MTERF3: variants seen among roughly 807,000 people sequenced by gnomAD.
MTERF3 encodes the protein mitochondrial transcription termination factor 3, also known as transcription termination factor 3, mitochondrial.
Under a neutral mutation model 40.5 loss-of-function variants are expected in MTERF3, and 40 were observed. The observed-to-expected ratio is 0.99, with a 90% confidence interval of 0.77 to 1.29. The LOEUF (loss-of-function observed/expected upper bound fraction) is 1.29. Ranked by LOEUF, MTERF3 falls within the 50% of genes most tolerant of loss-of-function variation. MTERF3 has a pLI of 0.00. For missense variants in MTERF3, 452 were observed against 478.2 expected, an observed-to-expected ratio of 0.95 and a Z score of 0.51; for synonymous variants, 158 against 166.6, an observed-to-expected ratio of 0.95 and a Z score of 0.40.
chr8:96,244,221 G>C (rs1809982103), intron 6 of MTERF3, 141 bp from the exon 7 acceptor site: 1 of 633,976 alleles, frequency 1.6e-6, no homozygotes. Flanking sequence ...ATGATCTCCT[G>C]CCTCAGTCTC....
intron 6 of MTERF3, 23 bp downstream of exon 6, chr8:96,245,837 C>T: frequency 6.2e-7 from 1 of 1,606,812 alleles, no homozygotes; most frequent in Non-Finnish European, 8.5e-7. Flanking sequence ...ACTGATTTCT[C>T]AAAAAGCCTA....
intron 3 of MTERF3, among the ~76,000 whole-genome samples, chr8:96,256,575 C>T (rs763418989): frequency 2.0e-4 from 30 of 151,870 alleles, no homozygotes; most frequent in Non-Finnish European, 3.2e-4. Flanking sequence ...CATAATTTAA[C>T]TACTGACTAA....
intron 2 of MTERF3, among the ~76,000 whole-genome samples, chr8:96,257,898 G>A (rs952344239): frequency 6.6e-6 from 1 of 152,046 alleles, no homozygotes; most frequent in Non-Finnish European, 1.5e-5. Flanking sequence ...GGACCCATAG[G>A]AAGGAGAGGA....
At position 96,246,320 on chromosome 8, in the gene MTERF3, A is replaced by C. The variant is rs1480298416; in HGVS notation, c.812T>G (p.Leu271Arg). 2 of 1,599,378 alleles carry C rather than the reference A, an allele frequency of 1.3e-6. No individual in the cohort carries two copies. The highest frequency in any genetic ancestry group is 2.7e-5 in the African/African-American group (2 of 74,084). Residue 271 changes from leucine (L) to arginine (R), a missense_variant, in exon 5 of 8, where the codon CTT becomes CGT. Physicochemically the swap from Leu to Arg is moderately radical, Grantham distance 102. Coordinates refer to ENST00000287025, the MANE Select transcript of MTERF3 (RefSeq NM_015942.5). ...RLGFFQKELELSVKKTRDLVV... is the reference protein window; with the variant it reads ...RLGFFQKELERSVKKTRDLVV... ...CCTTTTCTTTACCTTCTTCACACTA[A>C]GTTCAAGTTCTTTCTGAAAAAATCC... is the stretch of plus-strand genomic sequence containing the variant.
At chr8:96,253,562 T>C (rs917428938) in intron 3 of MTERF3, among the ~76,000 whole-genome samples, 2 of 152,134 alleles carry the variant, frequency 1.3e-5, no homozygotes, top group African/African-American at 4.8e-5. Flanking sequence ...ACTTGGGTAC[T>C]CAAAAATACT....
At position 96,241,169 on chromosome 8, in the gene MTERF3, T is replaced by C. The variant is rs199892799; in HGVS notation, c.1060-1484A>G. On this transcript the variant is annotated intron_variant, in intron 7 of 7. Transcript: ENST00000287025. Reference sequence around the variant, plus strand: ...GCTCACACCTGTAATCCCAGCACTTTGGGAGGCCAAGGTGGGCGGATCACG... The same window carrying C: ...GCTCACACCTGTAATCCCAGCACTTCGGGAGGCCAAGGTGGGCGGATCACG... Among the ~76,000 whole-genome samples the C allele has an allele frequency of 8.5e-5, 13 of 152,192 alleles. No homozygotes were observed. In the East Asian group the frequency reaches 2.1e-3, roughly 25 times the overall value.
intron 2 of MTERF3, among the ~76,000 whole-genome samples, chr8:96,257,950 A>G (rs1159408175): frequency 6.6e-6 from 1 of 152,228 alleles, no homozygotes; most frequent in East Asian, 1.9e-4. Flanking sequence ...TGGAGTTAAT[A>G]TAATTGTTTT....
At chr8:96,241,408 C>T (rs1393729433) in intron 7 of MTERF3, among the ~76,000 whole-genome samples, 1 of 139,884 alleles carries the variant, frequency 7.1e-6, no homozygotes, top group Admixed American at 7.3e-5. Flanking sequence ...GACTCCATCG[C>T]AAAAAAAAAC....
chr8:96,258,444 C>A lies in MTERF3; in HGVS notation c.247G>T (p.Ala83Ser). ...TSSSSQENNS[A>S]QSSLLPSMNE... is the part of the protein sequence containing the mutation. ...ATGGAAGGAAGCAGACTGCTTTGGG[C>A]AGAATTATTCTCCTGACTACTTGAG... Residue 83 changes from alanine to serine, a missense_variant, in exon 2 of 8, where the codon GCC becomes TCC. By Grantham distance (99) the Ala-to-Ser change is moderately conservative. Transcript: ENST00000287025. 1 of 1,614,108 alleles carries A rather than the reference C, an allele frequency of 6.2e-7. No homozygotes were observed. The highest frequency in any genetic ancestry group is 8.5e-7 in the Non-Finnish European group (1 of 1,179,988).
intron 4 of MTERF3, among the ~76,000 whole-genome samples, chr8:96,250,445 C>G (rs1011422527): frequency 6.8e-6 from 1 of 146,582 alleles, no homozygotes; most frequent in African/African-American, 2.5e-5. Flanking sequence ...CAGGGTGGCT[C>G]ATGCCTGTAA....
At chr8:96,254,475 T>A (rs1810245729) in intron 3 of MTERF3, among the ~76,000 whole-genome samples, 1 of 152,202 alleles carries the variant, frequency 6.6e-6, no homozygotes, top group Admixed American at 6.5e-5. Flanking sequence ...TCAACTTTTT[T>A]AGCTTTCATA....
chr8:96,250,167 C>T (rs1810097997), intron 4 of MTERF3, among the ~76,000 whole-genome samples: 1 of 151,776 alleles, frequency 6.6e-6, no homozygotes, highest in Non-Finnish European at 1.5e-5. Flanking sequence ...AAGGAACAAC[C>T]AAAATAGCCA....
chr8:96,258,709 G>T lies in MTERF3; in HGVS notation c.-10-9C>A. On this transcript the variant is annotated splice_polypyrimidine_tract_variant and intron_variant, in intron 1 of 7. Transcript: ENST00000287025. ...AAGCCATTTTTCTTAGTCTACAAAG[G>T]AAAGATATAACCGTCAAAAGAAGAG... The T allele has an allele frequency of 6.4e-7, 1 of 1,551,076 alleles. No individual in the cohort carries two copies. Among genetic ancestry groups the T allele is most frequent in the Non-Finnish European group, 8.8e-7 (1 of 1,140,662 alleles).
chr8:96,259,035 A>G (rs2129953510), intron 1 of MTERF3, among the ~76,000 whole-genome samples: 1 of 152,364 alleles, frequency 6.6e-6, no homozygotes, highest in Non-Finnish European at 1.5e-5. Flanking sequence ...AGACCTCACT[A>G]ATCTGTTAAT....
At chr8:96,252,219 A>T (rs1810198675) in intron 3 of MTERF3, among the ~76,000 whole-genome samples, 1 of 152,268 alleles carries the variant, frequency 6.6e-6, no homozygotes, top group Admixed American at 6.5e-5. Flanking sequence ...GTGTGAAAAC[A>T]GAATAATACG....
rs1228690781 is a variant in MTERF3, at chr8:96,260,120, G to A, written c.-11+1381C>T. On this transcript the variant is annotated intron_variant, in intron 1 of 7. Coordinates refer to ENST00000287025, the MANE Select transcript of MTERF3 (RefSeq NM_015942.5). Reference sequence around the variant, plus strand: ...GGGGTTTCACCATCTTGGCCAGGCTGGCCTCGAACTCCTTACCTCAGGTGA... The same window carrying A: ...GGGGTTTCACCATCTTGGCCAGGCTAGCCTCGAACTCCTTACCTCAGGTGA... The A allele has an allele frequency of 2.0e-5, 3 of 152,092 alleles. No individual in the cohort carries two copies. The East Asian group carries it at 5.8e-4, about 29-fold the overall frequency. The allele number at this position is 152,092 out of a possible 1,614,324, so 9.4% of individuals were successfully genotyped here. A position where few individuals can be genotyped will look rare whatever the true frequency, so the allele number is the denominator to read the frequency against.
intron 1 of MTERF3, among the ~76,000 whole-genome samples, chr8:96,259,014 CAAGTG>C (rs1342614194): frequency 6.6e-6 from 1 of 152,186 alleles, no homozygotes; most frequent in African/African-American, 2.4e-5. Flanking sequence ...TGCAAATGTT[CAAGTG>C]ACAGCAGACC....
intron 3 of MTERF3, among the ~76,000 whole-genome samples, chr8:96,254,914 G>A (rs1214991797): frequency 2.6e-5 from 4 of 152,188 alleles, no homozygotes; most frequent in Admixed American, 2.0e-4. Context: ...CCTGAAGAGG[G>A]TCACTCTGTC....
chr8:96,246,352 G>C lies in MTERF3; in HGVS notation c.780C>G (p.Asn260Lys). The C allele has an allele frequency of 6.2e-7, 1 of 1,612,034 alleles. No homozygotes were observed. The highest frequency in any genetic ancestry group is 8.5e-7 in the Non-Finnish European group (1 of 1,179,642). The stretch of plus-strand genomic sequence containing the variant: ...GTTCTTTCTGAAAAAATCCCAATCT[G>C]TTATCCAGTCTTTCCACTGAAAAGT... ...LLNFSVERLD[N>K]RLGFFQKELE... Residue 260 changes from asparagine (N) to lysine (K), a missense_variant, in exon 5 of 8, where the codon AAC (asparagine) becomes AAG (lysine). Asn to Lys is a moderately conservative substitution (Grantham distance 94). Transcript: ENST00000287025.
Sources: gnomAD v4.1 joint callset for allele counts (sites outside exome capture counted in the v4.1 genomes callset) on GRCh38, gnomAD v4.1.1 for gene constraint, MANE v1.5 for transcripts, NCBI Gene and HGNC (gene_info 2026-07-23, HGNC 2026-07-21) for gene names.